MMP16: variants seen among roughly 807,000 people sequenced by gnomAD.
The protein encoded by MMP16 is matrix metalloproteinase-16.
Under a neutral mutation model 67.8 loss-of-function variants are expected in MMP16, and 12 were observed. The ratio of observed to expected loss-of-function variants is 0.18; its 90% CI spans 0.11 to 0.29. The LOEUF (loss-of-function observed/expected upper bound fraction) is 0.29, where lower values mean the gene tolerates loss of function less well. MMP16 is among the 10% of genes least tolerant of loss of function. The probability of loss-of-function intolerance (pLI) is 1.00; values close to 1 mark genes in which losing one functional copy is unlikely to be tolerated. For synonymous variants in MMP16, 249 were observed against 255.9 expected (o/e 0.97, Z 0.26); for missense variants, 475 against 765.7 (o/e 0.62, Z 4.48).
At chr8:88,171,781 C>T (rs950892524) in intron 3 of MMP16, among the ~76,000 whole-genome samples, 1 of 151,702 alleles carries the variant, frequency 6.6e-6, no homozygotes, top group Admixed American at 6.6e-5. Context: ...AGAAAAAATA[C>T]TTATTGCTCT....
At chr8:88,112,635 G>A (rs1472223077) in intron 6 of MMP16, among the ~76,000 whole-genome samples, 2 of 129,118 alleles carry the variant, frequency 1.5e-5, no homozygotes, top group South Asian at 2.6e-4. Context: ...AAAGCTGAAT[G>A]GCTTAAATTT....
chr8:88,254,716 T>G (rs946046747), intron 1 of MMP16, among the ~76,000 whole-genome samples: 1 of 152,102 alleles, frequency 6.6e-6, no homozygotes, highest in East Asian at 1.9e-4. Flanking sequence ...CCTGAGAAAC[T>G]GTCATTATAG....
At chr8:88,181,273 T>C (rs1001967816) in intron 3 of MMP16, among the ~76,000 whole-genome samples, 1 of 152,154 alleles carries the variant, frequency 6.6e-6, no homozygotes, top group Admixed American at 6.5e-5. Context: ...TGATATATCC[T>C]CTATTTGAAA....
intron 1 of MMP16, among the ~76,000 whole-genome samples, chr8:88,279,744 T>C (rs1387720202): frequency 1.3e-5 from 2 of 152,122 alleles, no homozygotes; most frequent in African/African-American, 4.8e-5. Flanking sequence ...CTGCCACAAA[T>C]GCTTAGTATT....
chr8:88,065,121 A>T (rs566008223), intron 7 of MMP16, among the ~76,000 whole-genome samples: 1 of 152,196 alleles, frequency 6.6e-6, no homozygotes, highest in South Asian at 2.1e-4. Context: ...GGGTTCACCA[A>T]GACTTTGTCA....
At chr8:88,139,338 C>T (rs544263000) in intron 4 of MMP16, among the ~76,000 whole-genome samples, 4 of 152,172 alleles carry the variant, frequency 2.6e-5, no homozygotes, top group East Asian at 1.9e-4. Flanking sequence ...AGGTCATCGG[C>T]GTATCCCATT....
chr8:88,324,557 T>A (rs927941204), intron 1 of MMP16, among the ~76,000 whole-genome samples: 2 of 152,136 alleles, frequency 1.3e-5, no homozygotes, highest in East Asian at 3.9e-4. Flanking sequence ...CTGTGCTTAC[T>A]GAAAAAAAAT....
intron 3 of MMP16, among the ~76,000 whole-genome samples, chr8:88,169,450 G>C (rs1808765457): frequency 6.6e-6 from 1 of 152,056 alleles, no homozygotes; most frequent in Admixed American, 6.6e-5. Flanking sequence ...AGATTTATAA[G>C]AATTTTAGAG....
chr8:88,075,979 T>C (rs375496700), intron 6 of MMP16, among the ~76,000 whole-genome samples: 1 of 55,776 alleles, frequency 1.8e-5, no homozygotes. Flanking sequence ...ACACACAAAA[T>C]CTACTGAGGA....
At chr8:88,194,727 T>C (rs1809223708) in intron 2 of MMP16, among the ~76,000 whole-genome samples, 1 of 152,056 alleles carries the variant, frequency 6.6e-6, no homozygotes, top group Non-Finnish European at 1.5e-5. Context: ...AACAAGGCTT[T>C]AGTTGTTTCA....
chr8:88,101,695 T>C (rs1340852408), intron 6 of MMP16, among the ~76,000 whole-genome samples: 1 of 151,918 alleles, frequency 6.6e-6, no homozygotes, highest in East Asian at 2.0e-4. Flanking sequence ...TAATTCTCCA[T>C]AAAAATGCTT....
At chr8:88,140,335 A>C (rs1808191946) in intron 4 of MMP16, among the ~76,000 whole-genome samples, 2 of 152,174 alleles carry the variant, frequency 1.3e-5, no homozygotes, top group South Asian at 4.1e-4. Flanking sequence ...AGAAAGGGTT[A>C]GCTCTAGTTA....
intron 1 of MMP16, among the ~76,000 whole-genome samples, chr8:88,211,497 G>T (rs963960277): frequency 6.6e-6 from 1 of 152,144 alleles, no homozygotes; most frequent in African/African-American, 2.4e-5. Flanking sequence ...GTTTGTATGA[G>T]TATACAAGTG....
intron 3 of MMP16, among the ~76,000 whole-genome samples, chr8:88,169,036 AG>A (rs1460634580): frequency 1.3e-5 from 2 of 152,274 alleles, no homozygotes; most frequent in East Asian, 3.9e-4. Flanking sequence ...TACAAAAAAG[AG>A]GATACCATAT....
At position 88,186,413 on chromosome 8, in the gene MMP16, T is replaced by C. The variant is rs13266383; in HGVS notation, c.404+63A>G. The C allele has an allele frequency of 1.9e-6, 3 of 1,596,796 alleles. No individual in the cohort carries two copies. In the South Asian group the frequency reaches 3.3e-5, roughly 18 times the overall value. On this transcript the variant is annotated intron_variant, in intron 3 of 9. Transcript: ENST00000286614. ...TCAACGTGCAGAAGATACTAAACTA[T>C]GTGTCAAAACAAATAGTAATGAAAT... is the stretch of plus-strand genomic sequence containing the variant.
intron 4 of MMP16, among the ~76,000 whole-genome samples, chr8:88,144,914 T>A (rs1808266803): frequency 6.6e-6 from 1 of 151,998 alleles, no homozygotes; most frequent in Non-Finnish European, 1.5e-5. Flanking sequence ...TTGGGTCAGA[T>A]GGAGTTAACA....
At chr8:88,278,613 A>T (rs1001164649) in intron 1 of MMP16, among the ~76,000 whole-genome samples, 4 of 152,206 alleles carry the variant, frequency 2.6e-5, no homozygotes, top group African/African-American at 9.6e-5. Context: ...TAAAACAGCA[A>T]CAAAAACAAC....
At chr8:88,054,883 A>G (rs1808312043) in intron 8 of MMP16, among the ~76,000 whole-genome samples, 1 of 152,144 alleles carries the variant, frequency 6.6e-6, no homozygotes, top group South Asian at 2.1e-4. Flanking sequence ...CTATGCTAAG[A>G]TAATATGGCA....
Position 88,327,189 on chromosome 8 carries a change from G to T in MMP16, c.18C>A (p.Phe6Leu). 2 of 1,614,038 alleles carry T rather than the reference G, an allele frequency of 1.2e-6. No homozygotes were observed. The highest frequency in any genetic ancestry group is 3.3e-5 in the Admixed American group (2 of 60,010). The change falls in exon 1 of 10, where the codon TTC becomes TTA. Residue 6 changes from phenylalanine (F) to leucine (L), a missense_variant. Transcript: ENST00000286614. The part of the protein sequence containing the change: MILLT[F>L]STGRRLDFVH... ...CGAAATCCAACCGTCTTCCAGTGCT[G>T]AATGTGAGTAAGATCATAGTGAACT...
Sources: allele counts gnomAD v4.1 joint callset (sites outside exome capture counted in the v4.1 genomes callset), GRCh38; gene constraint gnomAD v4.1.1; transcripts MANE v1.5; gene names NCBI Gene and HGNC (gene_info 2026-07-23, HGNC 2026-07-21).